The following ARMC9 variants were observed in gnomAD, a reference collection of about 807,000 sequenced individuals.
ARMC9 encodes the protein lisH domain-containing protein ARMC9.
In ARMC9, 94 loss-of-function variants were observed where a neutral mutation model predicts 107.0. The observed-to-expected ratio is 0.88, with a 90% CI of 0.74 to 1.04. The LOEUF is 1.04. Among genes scored for constraint, ARMC9 ranks in the 50% least tolerant of loss-of-function variants. ARMC9 has a pLI of 0.00. For synonymous variants in ARMC9, 380 were observed against 396.9 expected, an observed-to-expected ratio of 0.96 and a Z score of 0.51; for missense variants, 942 against 1,030.1, an observed-to-expected ratio of 0.91 and a Z score of 1.17.
Position 231,291,419 on chromosome 2 carries a change from TTCA to T in ARMC9, c.1700_1702del (p.Ile567del), listed in dbSNP as rs1260410280. The T allele has an allele frequency of 6.2e-7, 1 of 1,613,514 alleles. No individual in the cohort carries two copies. The highest frequency in any genetic ancestry group is 8.5e-7 in the Non-Finnish European group (1 of 1,179,778). The stretch of plus-strand genomic sequence containing the variant: ...TGCTGAAATGATCCGCCAGATAGAA[TTCA>T]TCATCAAGCAGCTAAATTCCGGTCA... On this transcript the variant is annotated inframe_deletion, in exon 18 of 25. Transcript: ENST00000611582.
At chr2:231,225,277 C>T (rs748910010) in intron 6 of ARMC9, among the ~76,000 whole-genome samples, 12 of 152,126 alleles carry the variant, frequency 7.9e-5, no homozygotes, top group Non-Finnish European at 1.6e-4. Flanking sequence ...GTTAAGTTCC[C>T]TCAGAGGTTT....
At chr2:231,354,928 GC>G (rs1264663723) in intron 21 of ARMC9, among the ~76,000 whole-genome samples, 1 of 152,226 alleles carries the variant, frequency 6.6e-6, no homozygotes, top group Non-Finnish European at 1.5e-5. Flanking sequence ...TGGATCTGGT[GC>G]AATGAAGCTC....
At chr2:231,314,101 C>T (rs1201857407) in intron 19 of ARMC9, among the ~76,000 whole-genome samples, 6 of 144,386 alleles carry the variant, frequency 4.2e-5, no homozygotes, top group Admixed American at 7.2e-5. Flanking sequence ...GTTTTTGAGA[C>T]GGAGTTTCAC....
chr2:231,329,888 A>G (rs2043604864), intron 19 of ARMC9, among the ~76,000 whole-genome samples: 1 of 152,122 alleles, frequency 6.6e-6, no homozygotes, highest in Non-Finnish European at 1.5e-5. Context: ...TATTATGTGC[A>G]AATAGGGATA....
chr2:231,372,287 T>G lies in ARMC9; in HGVS notation c.*752T>G, dbSNP rs957417152. ...TGGAGGCTGAGGCAGGAGAATGGCG[T>G]GAACCCGGGAGGCGGAGCTTGCAGT... On this transcript the variant is annotated 3_prime_UTR_variant, in exon 25 of 25. Coordinates refer to ENST00000611582, the MANE Select transcript of ARMC9 (RefSeq NM_001352754.2). 1 of 152,156 alleles carries G rather than the reference T, an allele frequency of 6.6e-6. No individual in the cohort carries two copies. The highest frequency in any genetic ancestry group is 1.5e-5 in the Non-Finnish European group (1 of 68,066). 9.4% of individuals were successfully genotyped at this position (152,156 alleles called of 1,614,324 possible).
chr2:231,357,657 C>T (rs142442869), intron 22 of ARMC9, among the ~76,000 whole-genome samples: 60 of 152,316 alleles, frequency 3.9e-4, no homozygotes, highest in Non-Finnish European at 7.3e-4. Flanking sequence ...TAGCTCACTG[C>T]AGCCTCACAT....
chr2:231,230,145 T>C (rs2125348321), intron 7 of ARMC9, among the ~76,000 whole-genome samples: 1 of 152,236 alleles, frequency 6.6e-6, no homozygotes, highest in East Asian at 1.9e-4. Context: ...GAGGATAGCT[T>C]GAGGCCAGGA....
chr2:231,232,404 AG>A (rs1477626538), intron 7 of ARMC9, among the ~76,000 whole-genome samples: 2 of 151,834 alleles, frequency 1.3e-5, no homozygotes, highest in Non-Finnish European at 2.9e-5. Flanking sequence ...AATGATTTTC[AG>A]GGCCATTCTC....
chr2:231,292,074 A>G (rs958789585), intron 18 of ARMC9, among the ~76,000 whole-genome samples: 4 of 151,510 alleles, frequency 2.6e-5, no homozygotes, highest in African/African-American at 7.3e-5. Context: ...AGGCTGAGGC[A>G]GGAGAATCGC....
chr2:231,336,673 A>G lies in ARMC9; in HGVS notation c.1878+4776A>G, dbSNP rs2044111718. 1.3e-5 allele frequency among the ~76,000 whole-genome samples: 2 copies of G among 152,174 alleles called. 1 individual carries two copies. Among genetic ancestry groups the G allele is most frequent in the South Asian group, 4.1e-4 (2 of 4,828 alleles). On this transcript the variant is annotated intron_variant, in intron 20 of 24. Transcript: ENST00000611582. ...CTCCATCAAGTGAGAACCCAAATTC[A>G]TTTAGTTTTCCTAAGAATCCCCGAA...
At chr2:231,232,200 AT>A (rs1201822741) in intron 7 of ARMC9, among the ~76,000 whole-genome samples, 10 of 149,644 alleles carry the variant, frequency 6.7e-5, no homozygotes, top group Non-Finnish European at 1.0e-4. Context: ...TAATTTTTGT[AT>A]TTTTTGTAGA....
At chr2:231,303,031 C>T (rs1415652975) in intron 19 of ARMC9, among the ~76,000 whole-genome samples, 1 of 152,104 alleles carries the variant, frequency 6.6e-6, no homozygotes, top group Non-Finnish European at 1.5e-5. Context: ...AGTAAATAGT[C>T]ATTTTTATCT....
chr2:231,275,954 AG>A (rs2039714641), intron 14 of ARMC9, among the ~76,000 whole-genome samples: 1 of 152,314 alleles, frequency 6.6e-6, no homozygotes, highest in South Asian at 2.1e-4. Flanking sequence ...ACTCCGTCTC[AG>A]GAAAAAAAAA....
chr2:231,347,136 G>A (rs1176623743), intron 21 of ARMC9, among the ~76,000 whole-genome samples: 1 of 152,100 alleles, frequency 6.6e-6, no homozygotes. Flanking sequence ...ATGCCTGGGA[G>A]CACATCTATC....
intron 23 of ARMC9, among the ~76,000 whole-genome samples, chr2:231,361,496 G>A (rs944145155): frequency 3.4e-5 from 5 of 146,938 alleles, no homozygotes. Context: ...CTGGACCCCC[G>A]AGCAGAAGAA....
At chr2:231,338,020 C>T (rs776207335) in intron 20 of ARMC9, among the ~76,000 whole-genome samples, 14 of 152,110 alleles carry the variant, frequency 9.2e-5, no homozygotes, top group Non-Finnish European at 1.9e-4. Flanking sequence ...AAATTCCTGG[C>T]GGGTGGGGGC....
intron 9 of ARMC9, among the ~76,000 whole-genome samples, chr2:231,248,427 G>A (rs753290376): frequency 5.9e-5 from 9 of 152,144 alleles, no homozygotes; most frequent in Non-Finnish European, 1.0e-4. Context: ...ACAGGCATCC[G>A]ATCATATTAC....
chr2:231,318,878 C>T (rs1868929), intron 19 of ARMC9, among the ~76,000 whole-genome samples: 36,749 of 152,152 alleles, frequency 0.24, 8,942 homozygotes, highest in African/African-American at 0.6. Context: ...AAAAGCAAAG[C>T]AGACATCCTA....
At chr2:231,323,251 T>G (rs1295631689) in intron 19 of ARMC9, among the ~76,000 whole-genome samples, 4 of 152,130 alleles carry the variant, frequency 2.6e-5, no homozygotes, top group Non-Finnish European at 5.9e-5. Flanking sequence ...CTGGAAGGCC[T>G]GAGTTGGCAT....
Sources: gnomAD v4.1 joint callset for allele counts (sites outside exome capture counted in the v4.1 genomes callset) on GRCh38, gnomAD v4.1.1 for gene constraint, MANE v1.5 for transcripts, NCBI Gene and HGNC (gene_info 2026-07-23, HGNC 2026-07-21) for gene names.